RBMS3: variants seen among roughly 807,000 people sequenced by gnomAD.
RBMS3 encodes the protein RNA binding motif single stranded interacting protein 3, also known as RNA-binding motif, single-stranded-interacting protein 3.
Under a neutral mutation model 66.8 loss-of-function variants are expected in RBMS3, and 27 were observed. That is an observed-to-expected ratio of 0.40 (90% CI 0.30 to 0.56). RBMS3 has a LOEUF of 0.56. Among genes scored for constraint, RBMS3 ranks in the 20% least tolerant of loss-of-function variants. The probability of loss-of-function intolerance (pLI) is 0.40; values close to 1 mark genes in which losing one functional copy is unlikely to be tolerated. For missense variants in RBMS3, 513 were observed against 549.5 expected, an observed-to-expected ratio of 0.93 and a Z score of 0.66; for synonymous variants, 188 against 183.0, an observed-to-expected ratio of 1.03 and a Z score of -0.22.
intron 3 of RBMS3, among the ~76,000 whole-genome samples, chr3:29,542,345 A>G (rs143300311): frequency 3.4e-5 from 5 of 148,542 alleles, no homozygotes; most frequent in African/African-American, 1.3e-4. Context: ...CCCAAAATCA[A>G]GAATTATCAT....
At chr3:29,864,821 AGGAAG>A (rs200725025) in intron 6 of RBMS3, among the ~76,000 whole-genome samples, 11,544 of 140,330 alleles carry the variant, frequency 0.082, 984 homozygotes, top group African/African-American at 0.21. Context: ...AAAGGAAGGA[AGGAAG>A]GGAAGGGAAG....
chr3:29,288,905 T>C (rs970923751), intron 1 of RBMS3, among the ~76,000 whole-genome samples: 8 of 152,098 alleles, frequency 5.3e-5, no homozygotes, highest in Non-Finnish European at 1.2e-4. Context: ...AAGAACATTA[T>C]CTTTTCTACT....
At chr3:29,294,485 A>C (rs2033080907) in intron 1 of RBMS3, among the ~76,000 whole-genome samples, 1 of 151,830 alleles carries the variant, frequency 6.6e-6, no homozygotes, top group African/African-American at 2.4e-5. Flanking sequence ...GTTGCTGGCA[A>C]GAAAGTCAAT....
intron 6 of RBMS3, among the ~76,000 whole-genome samples, chr3:29,787,941 T>C (rs1331008354): frequency 2.0e-5 from 3 of 152,190 alleles, no homozygotes; most frequent in Admixed American, 1.3e-4. Context: ...GTACATTTGA[T>C]TTATTTTATA....
At chr3:29,517,208 G>A (rs760104531) in intron 3 of RBMS3, among the ~76,000 whole-genome samples, 9 of 151,324 alleles carry the variant, frequency 5.9e-5, no homozygotes, top group African/African-American at 7.3e-5. Flanking sequence ...GCGAGACCAT[G>A]TCTCTAAAAA....
chr3:29,544,735 T>A (rs1330041150), intron 3 of RBMS3, among the ~76,000 whole-genome samples: 2 of 135,222 alleles, frequency 1.5e-5, no homozygotes, highest in African/African-American at 6.1e-5. Context: ...TGATAGCCTT[T>A]TATGACAAAA....
At chr3:29,428,573 TAAAA>T (rs36117390) in intron 1 of RBMS3, among the ~76,000 whole-genome samples, 2,821 of 144,430 alleles carry the variant, frequency 0.02, 93 homozygotes, top group African/African-American at 0.067. Flanking sequence ...TGCTTTCTGT[TAAAA>T]AAAAAAAAAA....
chr3:29,566,613 G>T (rs2046749248), intron 3 of RBMS3, among the ~76,000 whole-genome samples: 1 of 131,694 alleles, frequency 7.6e-6, no homozygotes, highest in Non-Finnish European at 1.6e-5. Context: ...TCTAAATGTT[G>T]TCATTCTGCA....
chr3:29,526,682 T>A (rs986356620), intron 3 of RBMS3, among the ~76,000 whole-genome samples: 3 of 151,990 alleles, frequency 2.0e-5, no homozygotes, highest in African/African-American at 7.3e-5. Context: ...TAAAATTTGC[T>A]GGACAGCTAA....
intron 2 of RBMS3, among the ~76,000 whole-genome samples, chr3:29,438,337 C>A (rs2041480643): frequency 2.0e-5 from 3 of 151,952 alleles, no homozygotes; most frequent in African/African-American, 7.3e-5. Context: ...AACAGATACA[C>A]AAAACAGCAT....
chr3:29,397,144 G>A (rs2039589401), intron 1 of RBMS3, among the ~76,000 whole-genome samples: 1 of 152,104 alleles, frequency 6.6e-6, no homozygotes, highest in South Asian at 2.1e-4. Flanking sequence ...TGCAGATAGA[G>A]TTAACCAACT....
intron 4 of RBMS3, among the ~76,000 whole-genome samples, chr3:29,694,005 T>C (rs1411974629): frequency 2.6e-5 from 4 of 152,152 alleles, no homozygotes; most frequent in Non-Finnish European, 5.9e-5. Context: ...TGCTTCACAG[T>C]GGTTTCTTCA....
chr3:29,285,680 A>G (rs1444923535), intron 1 of RBMS3, among the ~76,000 whole-genome samples: 2 of 152,066 alleles, frequency 1.3e-5, no homozygotes, highest in Non-Finnish European at 2.9e-5. Context: ...GGCCAGGTGT[A>G]AGAAGTAGTT....
chr3:29,671,047 G>A (rs2050979167), intron 4 of RBMS3, among the ~76,000 whole-genome samples: 1 of 152,172 alleles, frequency 6.6e-6, no homozygotes, highest in East Asian at 1.9e-4. Flanking sequence ...CCTCTGAGAC[G>A]AAGCTTCCAG....
chr3:29,759,926 G>A (rs1464566470), intron 5 of RBMS3, among the ~76,000 whole-genome samples: 2 of 152,092 alleles, frequency 1.3e-5, no homozygotes, highest in East Asian at 1.9e-4. Flanking sequence ...AGCGCCGGCA[G>A]CTACAGAAAA....
intron 1 of RBMS3, among the ~76,000 whole-genome samples, chr3:29,329,183 G>C (rs898002554): frequency 3.9e-5 from 6 of 152,000 alleles, no homozygotes; most frequent in Non-Finnish European, 8.8e-5. Flanking sequence ...TTCTCCAGTT[G>C]GTTTTTTGTG....
chr3:29,704,306 A>G (rs957102026), intron 4 of RBMS3, among the ~76,000 whole-genome samples: 8 of 148,134 alleles, frequency 5.4e-5, no homozygotes, highest in Non-Finnish European at 9.0e-5. Context: ...TTCTATTTCA[A>G]TTACTTAAAA....
intron 13 of RBMS3, among the ~76,000 whole-genome samples, chr3:29,988,658 T>C (rs1033232851): frequency 5.9e-5 from 9 of 152,156 alleles, no homozygotes; most frequent in African/African-American, 1.7e-4. Context: ...CATGATGGCA[T>C]GCACCTGTAA....
intron 4 of RBMS3, among the ~76,000 whole-genome samples, chr3:29,659,636 T>TA (rs1482487225): frequency 2.6e-5 from 4 of 152,216 alleles, no homozygotes; most frequent in Non-Finnish European, 5.9e-5. Context: ...AGTCAATAGA[T>TA]ACTTGGATTG....
Sources: gnomAD v4.1 joint callset for allele counts (sites outside exome capture counted in the v4.1 genomes callset) on GRCh38, gnomAD v4.1.1 for gene constraint, MANE v1.5 for transcripts, NCBI Gene and HGNC (gene_info 2026-07-23, HGNC 2026-07-21) for gene names.